The following ACSM3 variants were observed in gnomAD, a reference collection of about 807,000 sequenced individuals.
ACSM3 encodes the protein acyl-coenzyme A synthetase ACSM3, mitochondrial.
Under a neutral mutation model 74.1 loss-of-function variants are expected in ACSM3, and 61 were observed. The ratio of observed to expected loss-of-function variants is 0.82; its 90% confidence interval spans 0.67 to 1.02. ACSM3 has a LOEUF of 1.02. Among genes scored for constraint, ACSM3 ranks in the 50% least tolerant of loss-of-function variants. The probability of loss-of-function intolerance (pLI) is 0.00; values close to 1 mark genes in which losing one functional copy is unlikely to be tolerated. For synonymous variants in ACSM3, 213 were observed against 241.5 expected (o/e 0.88, Z 1.09); for missense variants, 660 against 697.0 (o/e 0.95, Z 0.60).
chr16:20,787,253 G>A (rs1423566596), intron 9 of ACSM3, among the ~76,000 whole-genome samples: 2 of 152,190 alleles, frequency 1.3e-5, no homozygotes, highest in African/African-American at 2.4e-5. Flanking sequence ...TGGGAGCTGT[G>A]ACTTACTGTT....
In ACSM3 at chr16:20,780,719, C is replaced by T. The variant is rs759689506; in HGVS notation, c.644C>T (p.Ala215Val). Residue 215 changes from alanine (A) to valine (V), a missense_variant, in exon 5 of 14, where the codon GCC (alanine) becomes GTC (valine). Coordinates refer to ENST00000289416, the MANE Select transcript of ACSM3 (RefSeq NM_005622.4). ...TTGTAGTTTTTCCTTTGCAGACATG[C>T]CAGTGACAGCCACACCTGTGTGAAG... ...WGNLKELMKHASDSHTCVKTK... is the reference protein window; with the variant it reads ...WGNLKELMKHVSDSHTCVKTK... 8.1e-6 allele frequency: 13 copies of T among 1,614,014 alleles called. No homozygotes were observed. The highest frequency in any genetic ancestry group is 1.3e-5 in the African/African-American group (1 of 74,902).
At position 20,790,886 on chromosome 16, in the gene ACSM3, G is replaced by C. The variant is rs1313002024; in HGVS notation, c.1326+198G>C. 1 of 1,613,958 alleles carries C rather than the reference G, an allele frequency of 6.2e-7. No individual in the cohort carries two copies. The highest frequency in any genetic ancestry group is 1.3e-5 in the African/African-American group (1 of 74,922). Reference sequence around the variant, plus strand: ...CTGAAGAAAAGCATGCTGGTCCCCTGAGGCCAGATCACTGTTCCAGGTCCA... The same window carrying C: ...CTGAAGAAAAGCATGCTGGTCCCCTCAGGCCAGATCACTGTTCCAGGTCCA... On this transcript the variant is annotated intron_variant, in intron 10 of 13. Coordinates refer to ENST00000289416, the MANE Select transcript of ACSM3 (RefSeq NM_005622.4). This position sits in a 1 kb window ranked among gnomAD's most constrained non-coding sequence, Gnocchi z 4.0.
intron 13 of ACSM3, 72 bp from the exon 14 acceptor site, chr16:20,796,814 A>G (rs1271898495): frequency 6.3e-7 from 1 of 1,588,404 alleles, no homozygotes; most frequent in Non-Finnish European, 8.5e-7. Flanking sequence ...TTCATAATCA[A>G]ACTGCTATAT....
At chr16:20,679,256 T>C (rs1379462113) in intron 1 of ACSM3, 2 of 152,248 alleles carry the variant, frequency 1.3e-5, no homozygotes, top group African/African-American at 4.8e-5. Context: ...AGACCCTGAT[T>C]GCCCCACCCG....
At chr16:20,730,205 T>A (rs537626719) in intron 1 of ACSM3, among the ~76,000 whole-genome samples, 15 of 152,182 alleles carry the variant, frequency 9.9e-5, no homozygotes, top group South Asian at 6.2e-4. Context: ...CAGTAGCTAC[T>A]AAAAAGGGGG....
At chr16:20,773,677 C>G (rs1316749686) in intron 2 of ACSM3, among the ~76,000 whole-genome samples, 1 of 152,126 alleles carries the variant, frequency 6.6e-6, no homozygotes, top group Non-Finnish European at 1.5e-5. Context: ...CAAAGTTCCT[C>G]TTGTTACTGA....
At chr16:20,738,845 G>A (rs2079892836) in intron 1 of ACSM3, 1 of 1,589,454 alleles carries the variant, frequency 6.3e-7, no homozygotes, top group East Asian at 2.2e-5. Context: ...CCTGAGACAG[G>A]AAGATACCCA....
rs759812598 is a variant in ACSM3, at chr16:20,776,043, C to T, written c.424C>T (p.Arg142Ter). ...GTGGCTTGCAAATGTGGCCTGTCTGCGAACAGGTTAGTAATGTTTGCTTTC... is the reference window on the plus strand; with the variant it reads ...GTGGCTTGCAAATGTGGCCTGTCTGTGAACAGGTTAGTAATGTTTGCTTTC... Reference protein sequence around the residue: ...EWWLANVACLRTGTVLIPGTT... With the variant: ...EWWLANVACL The change falls in exon 3 of 14, where the codon CGA (arginine) becomes TGA (stop). Residue 142 changes from arginine (R) to a stop codon, truncating the protein, a stop_gained. Coordinates refer to ENST00000289416, the MANE Select transcript of ACSM3 (RefSeq NM_005622.4). LOFTEE classifies it high-confidence loss of function. The T allele has an allele frequency of 1.5e-5, 24 of 1,614,010 alleles. No individual in the cohort carries two copies. The highest frequency in any genetic ancestry group is 1.7e-4 in the Middle Eastern group (1 of 6,052).
chr16:20,723,965 T>A (rs1161595335), intron 1 of ACSM3, among the ~76,000 whole-genome samples: 1 of 152,260 alleles, frequency 6.6e-6, no homozygotes, highest in Non-Finnish European at 1.5e-5. Context: ...CATGCCTATG[T>A]CCTGAATGGT....
At chr16:20,789,900 C>T (rs540119827) in intron 9 of ACSM3, among the ~76,000 whole-genome samples, 38 of 151,722 alleles carry the variant, frequency 2.5e-4, no homozygotes, top group Non-Finnish European at 4.9e-4. Flanking sequence ...TCTTGAACTC[C>T]TGACCTCAGG....
rs543812793 is a variant in ACSM3, at chr16:20,737,358, G to T, written c.-189-12552G>T. ...ATCTGATAGATACAAAAAATCTTTT[G>T]TCTCTGTTTCTTGTTAAAACAAGAC... On this transcript the variant is annotated intron_variant, in intron 1 of 3. Transcript: ENST00000561584. 3 of 1,470,982 alleles carry T rather than the reference G, an allele frequency of 2.0e-6. No homozygotes were observed. In the East Asian group the frequency reaches 6.9e-5, roughly 34 times the overall value. The allele number at this position is 1,470,982 out of a possible 1,614,324, so 91.1% of individuals were successfully genotyped here.
rs9930434 is a variant in ACSM3, at chr16:20,736,614, G to A, written c.-189-13296G>A. ...TAAGTCAGCTGGCACTGCAGAAGAG[G>A]AGCCTGGGAGAGGCCAACATCCCCC... On this transcript the variant is annotated intron_variant, in intron 1 of 3. Transcript: ENST00000561584. 8.8e-3 allele frequency: 3,399 copies of A among 386,528 alleles called. 94 individuals carry two copies. Among genetic ancestry groups the A allele is most frequent in the African/African-American group, 0.062 (3,072 of 49,914 alleles). The allele number at this position is 386,528 out of a possible 1,614,324, so 23.9% of individuals were successfully genotyped here. A position where few individuals can be genotyped will look rare whatever the true frequency, so the allele number is the denominator to read the frequency against.
intron 1 of ACSM3, among the ~76,000 whole-genome samples, chr16:20,700,990 G>A (rs907939809): frequency 1.3e-5 from 2 of 152,066 alleles, no homozygotes; most frequent in Admixed American, 6.5e-5. Flanking sequence ...GTAAGCAGAC[G>A]GATATGGGAT....
chr16:20,796,578 C>T, intron 13 of ACSM3, 89 bp downstream of exon 13: 1 of 1,576,708 alleles, frequency 6.3e-7, no homozygotes, highest in Non-Finnish European at 8.6e-7. Flanking sequence ...ATTTTCTTCA[C>T]ACATGCTGCA....
chr16:20,726,028 C>T (rs1451882205), intron 1 of ACSM3, among the ~76,000 whole-genome samples: 1 of 151,900 alleles, frequency 6.6e-6, no homozygotes, highest in Non-Finnish European at 1.5e-5. Context: ...GCAAAATTGT[C>T]CCCTAGTCTA....
At chr16:20,777,328 A>G in intron 3 of ACSM3, 45 bp from the exon 4 acceptor site, 1 of 1,540,258 alleles carries the variant, frequency 6.5e-7, no homozygotes, top group Non-Finnish European at 8.9e-7. Flanking sequence ...AACATAATGA[A>G]GAATAACATT....
intron 3 of ACSM3, 111 bp from the exon 4 acceptor site, chr16:20,777,262 A>G: frequency 3.0e-6 from 3 of 1,009,012 alleles, no homozygotes; most frequent in Non-Finnish European, 2.9e-6. Flanking sequence ...TTCCTGGTAA[A>G]CTGACTAACT....
At chr16:20,769,260 A>G (rs1179192213) in intron 1 of ACSM3, among the ~76,000 whole-genome samples, 1 of 152,252 alleles carries the variant, frequency 6.6e-6, no homozygotes, top group Non-Finnish European at 1.5e-5. Flanking sequence ...GCCTCAACCA[A>G]GTAAATGACA....
chr16:20,687,186 C>T (rs950076495), intron 1 of ACSM3, among the ~76,000 whole-genome samples: 1 of 151,888 alleles, frequency 6.6e-6, no homozygotes, highest in Admixed American at 6.6e-5. Context: ...GAAACCATGG[C>T]ATAATTTGAA....
Sources: gnomAD v4.1 joint callset for allele counts (sites outside exome capture counted in the v4.1 genomes callset) on GRCh38, gnomAD v4.1.1 for gene constraint, Gnocchi (gnomAD v3.1) non-coding constraint, MANE v1.5 for transcripts, NCBI Gene and HGNC (gene_info 2026-07-23, HGNC 2026-07-21) for gene names.